Variants in PIWIL2 observed in about 807,000 individuals in gnomAD.
PIWIL2 encodes the protein piwi like RNA-mediated gene silencing 2.
Under a neutral mutation model 116.5 loss-of-function variants are expected in PIWIL2, and 81 were observed. That is an observed-to-expected ratio of 0.70 (90% CI 0.58 to 0.84). The LOEUF (loss-of-function observed/expected upper bound fraction) is 0.84. Ranked by LOEUF, PIWIL2 falls within the 40% of genes least tolerant of loss-of-function variation. The pLI is 0.00. For synonymous variants in PIWIL2, 489 were observed against 429.5 expected, an observed-to-expected ratio of 1.14 and a Z score of -1.71; for missense variants, 1,272 against 1,212.3, an observed-to-expected ratio of 1.05 and a Z score of -0.73.
intron 10 of PIWIL2, among the ~76,000 whole-genome samples, chr8:22,295,086 A>C (rs1830866081): frequency 6.6e-6 from 1 of 151,954 alleles, no homozygotes; most frequent in Non-Finnish European, 1.5e-5. Context: ...CTGGGGGAAA[A>C]AAAAAATATT....
chr8:22,297,905 G>T (rs142949600), intron 10 of PIWIL2, among the ~76,000 whole-genome samples: 3 of 152,036 alleles, frequency 2.0e-5, no homozygotes, highest in African/African-American at 7.2e-5. Context: ...AAGACAGTCC[G>T]GAACAAACAA....
At chr8:22,334,929 C>T (rs1020289311) in intron 20 of PIWIL2, among the ~76,000 whole-genome samples, 2 of 151,796 alleles carry the variant, frequency 1.3e-5, no homozygotes, top group Admixed American at 6.6e-5. Context: ...GTGGCGGGCA[C>T]CTGTAATCCC....
rs192520408 is a variant in PIWIL2 at position 22,307,148 on chromosome 8, C to T, written c.1546-785C>T. Among the ~76,000 whole-genome samples, 3 of 152,278 alleles carry T rather than the reference C, an allele frequency of 2.0e-5. No individual in the cohort carries two copies. In the East Asian group the frequency reaches 5.8e-4, roughly 29 times the overall value. On this transcript the variant is annotated intron_variant, in intron 13 of 22. Coordinates refer to ENST00000356766, the MANE Select transcript of PIWIL2 (RefSeq NM_018068.5). Reference sequence around the variant, plus strand: ...GTTTGGCTGGATGCCTCACACATGGCATTTTTTACACATTTTTTCCCAAAT... The same window carrying T: ...GTTTGGCTGGATGCCTCACACATGGTATTTTTTACACATTTTTTCCCAAAT...
chr8:22,320,927 A>G (rs557671749), intron 20 of PIWIL2, among the ~76,000 whole-genome samples: 1 of 152,284 alleles, frequency 6.6e-6, no homozygotes, highest in African/African-American at 2.4e-5. Context: ...AGTCTGCTGC[A>G]AGCACAGGGA....
chr8:22,302,356 A>T (rs1216902318), intron 10 of PIWIL2, among the ~76,000 whole-genome samples: 1 of 151,744 alleles, frequency 6.6e-6, no homozygotes, highest in East Asian at 1.9e-4. Flanking sequence ...TAATTTTTGT[A>T]TTTTTAGTAG....
chr8:22,288,298 CAAAAAAAAAA>C (rs5890028), intron 7 of PIWIL2, among the ~76,000 whole-genome samples: 4 of 102,230 alleles, frequency 3.9e-5, no homozygotes, highest in South Asian at 3.1e-4. Flanking sequence ...ACTCTGTCTC[CAAAAAAAAAA>C]AAAAAAAAAA....
In PIWIL2 at chr8:22,288,624, G is replaced by A. The variant is rs1210620215; in HGVS notation, c.944G>A (p.Cys315Tyr). 11 of 1,613,680 alleles carry A rather than the reference G, an allele frequency of 6.8e-6. No individual in the cohort carries two copies. The highest frequency in any genetic ancestry group is 9.3e-6 in the Non-Finnish European group (11 of 1,179,608). The change falls in exon 8 of 23, where the codon TGC becomes TAC. Residue 315 changes from cysteine (C) to tyrosine (Y), a missense_variant. By Grantham distance (194) the Cys-to-Tyr change is radical (BLOSUM62 -2). Coordinates refer to ENST00000356766, the MANE Select transcript of PIWIL2 (RefSeq NM_018068.5). ...KIQMTKILEPCSDLCIPFYNV... is the reference protein window; with the variant it reads ...KIQMTKILEPYSDLCIPFYNV... ...CAGATGACAAAGATCCTGGAGCCCT[G>A]CTCTGACCTGTGCATTCCCTTCTAC...
intron 20 of PIWIL2, among the ~76,000 whole-genome samples, chr8:22,347,308 G>A (rs888827675): frequency 2.0e-5 from 3 of 148,504 alleles, no homozygotes; most frequent in African/African-American, 7.5e-5. Context: ...TCCCCTTCCC[G>A]GGCTCACGCC....
At chr8:22,287,768 A>G (rs1830663637) in intron 7 of PIWIL2, 123 bp downstream of exon 7, 3 of 685,968 alleles carry the variant, frequency 4.4e-6, no homozygotes, top group Non-Finnish European at 8.0e-6. Context: ...CGAATTCCCA[A>G]AGCCCTGGGA....
At chr8:22,313,915 G>A (rs1315765701) in intron 16 of PIWIL2, among the ~76,000 whole-genome samples, 1 of 152,094 alleles carries the variant, frequency 6.6e-6, no homozygotes, top group Non-Finnish European at 1.5e-5. Context: ...TGTTTCCTTG[G>A]TTAAAGTTCT....
intron 15 of PIWIL2, among the ~76,000 whole-genome samples, chr8:22,310,721 A>G (rs1181323593): frequency 1.3e-5 from 2 of 152,152 alleles, no homozygotes; most frequent in East Asian, 1.9e-4. Context: ...GTTCCTGCCT[A>G]TCCCTTACCC....
rs1381630636 is a variant in PIWIL2, at chr8:22,330,389, T to C, written c.2403+12114T>C. Among the ~76,000 whole-genome samples, 4 of 152,262 alleles carry C rather than the reference T, an allele frequency of 2.6e-5. No homozygotes were observed. In the East Asian group the frequency reaches 7.7e-4, roughly 29 times the overall value. Reference sequence around the variant, plus strand: ...CTTAAGACATGGTTTCCTTTAGTTCTTTGAACAATATTTAAAATAGTTGAT... The same window carrying C: ...CTTAAGACATGGTTTCCTTTAGTTCCTTGAACAATATTTAAAATAGTTGAT... On this transcript the variant is annotated intron_variant, in intron 20 of 22. Transcript: ENST00000356766.
chr8:22,334,619 A>AT (rs1831938104), intron 20 of PIWIL2, among the ~76,000 whole-genome samples: 1 of 152,070 alleles, frequency 6.6e-6, no homozygotes, highest in South Asian at 2.1e-4. Flanking sequence ...GGGTTTCTCC[A>AT]TGTTGGTCAG....
chr8:22,348,094 A>T (rs1462006436), intron 20 of PIWIL2, among the ~76,000 whole-genome samples: 5 of 152,112 alleles, frequency 3.3e-5, no homozygotes, highest in Admixed American at 3.3e-4. Flanking sequence ...TGAGGTCAGG[A>T]GTTCGAGACA....
chr8:22,339,726 C>T (rs530289474), intron 20 of PIWIL2, among the ~76,000 whole-genome samples: 1 of 152,312 alleles, frequency 6.6e-6, no homozygotes, highest in South Asian at 2.1e-4. Flanking sequence ...TCATCCGATA[C>T]ATATGGAAAG....
At chr8:22,307,888 G>A (rs1831225007) in intron 13 of PIWIL2, 45 bp from the exon 14 acceptor site, 1 of 1,458,618 alleles carries the variant, frequency 6.9e-7, no homozygotes, top group Middle Eastern at 2.0e-4. Context: ...ACTTCATATT[G>A]GTGAAGTTAT....
chr8:22,320,664 C>G (rs531161695), intron 20 of PIWIL2, among the ~76,000 whole-genome samples: 18 of 151,722 alleles, frequency 1.2e-4, no homozygotes, highest in African/African-American at 3.9e-4. Flanking sequence ...AATCTGGGCT[C>G]ACTGCAGCCT....
chr8:22,314,452 G>A, intron 17 of PIWIL2, 23 bp downstream of exon 17: 1 of 1,304,530 alleles, frequency 7.7e-7, no homozygotes, highest in Non-Finnish European at 1.1e-6. Flanking sequence ...TGGGGCAGGA[G>A]GCGCAGATGG....
intron 20 of PIWIL2, among the ~76,000 whole-genome samples, chr8:22,322,474 CTG>C (rs1450428657): frequency 6.6e-6 from 1 of 151,952 alleles, no homozygotes; most frequent in Non-Finnish European, 1.5e-5. Flanking sequence ...TGGTCTCAAA[CTG>C]AGGCTGATCT....
Sources: gnomAD v4.1 joint callset for allele counts (sites outside exome capture counted in the v4.1 genomes callset) on GRCh38, gnomAD v4.1.1 for gene constraint, MANE v1.5 for transcripts, NCBI Gene and HGNC (gene_info 2026-07-23, HGNC 2026-07-21) for gene names.